Variants in CACNA1C observed in about 807,000 individuals in gnomAD.
CACNA1C encodes the protein voltage-dependent L-type calcium channel subunit alpha-1C.
In CACNA1C, 30 loss-of-function variants were observed where a neutral mutation model predicts 229.0. That is an observed-to-expected ratio of 0.13 (90% CI 0.10 to 0.18). The LOEUF is 0.18. Ranked by LOEUF, CACNA1C falls within the 10% of genes least tolerant of loss-of-function variation. The probability of loss-of-function intolerance (pLI) is 1.00; values close to 1 mark genes in which losing one functional copy is unlikely to be tolerated. For synonymous variants in CACNA1C, 1,114 were observed against 1,132.5 expected (o/e 0.98, Z 0.33); for missense variants, 1,658 against 2,845.0 (o/e 0.58, Z 9.49).
intron 7 of CACNA1C, among the ~76,000 whole-genome samples, chr12:2,496,320 G>A (rs139822370): frequency 7.7e-4 from 118 of 152,294 alleles, no homozygotes; most frequent in Non-Finnish European, 1.5e-3. Context: ...TCACTCAGAA[G>A]AATGAATTGT....
intron 1 of CACNA1C, among the ~76,000 whole-genome samples, chr12:2,000,445 G>A (rs1253120700): frequency 6.6e-6 from 1 of 151,166 alleles, no homozygotes; most frequent in East Asian, 1.9e-4. Flanking sequence ...CTTCCTTGAT[G>A]TAACAGAAAT....
chr12:2,070,537 G>GT (rs966512340), intron 1 of CACNA1C, among the ~76,000 whole-genome samples: 1 of 152,166 alleles, frequency 6.6e-6, no homozygotes, highest in African/African-American at 2.4e-5. Flanking sequence ...TAGAATGATA[G>GT]TTTAGTCAGG....
intron 9 of CACNA1C, 51 bp from the exon 10 acceptor site, chr12:2,549,892 C>G: frequency 7.4e-7 from 1 of 1,353,784 alleles, no homozygotes; most frequent in Non-Finnish European, 1.0e-6. Flanking sequence ...CTTCTGTTCC[C>G]TTGTCTCCCC....
chr12:2,603,877 A>G (rs2074008313), intron 22 of CACNA1C: 3 of 152,196 alleles, frequency 2.0e-5, no homozygotes, highest in Admixed American at 6.5e-5. Flanking sequence ...GAAACTGACC[A>G]TTTTTCTGCT....
intron 9 of CACNA1C, among the ~76,000 whole-genome samples, chr12:2,535,968 C>T (rs1409524095): frequency 1.3e-5 from 2 of 152,242 alleles, no homozygotes; most frequent in Admixed American, 6.5e-5. Flanking sequence ...GTTAAAATGA[C>T]TCACTTCACA....
intron 3 of CACNA1C, among the ~76,000 whole-genome samples, chr12:2,364,753 C>T (rs532416962): frequency 6.6e-5 from 10 of 152,184 alleles, no homozygotes; most frequent in Admixed American, 6.5e-4. Context: ...CATTTCGGGG[C>T]TCCTCGTCCT....
chr12:2,215,043 C>T lies in CACNA1C; in HGVS notation c.477+94613C>T, dbSNP rs181652761. ...TCATGGGTGTGAAGTCGGGAGGAGC[C>T]GGAGGCAGTGAGGACCTGCATTGCA... On this transcript the variant is annotated intron_variant, in intron 3 of 46. Transcript: ENST00000399655. The surrounding 1 kb of genome is among the most constrained non-coding windows in gnomAD (Gnocchi z 5.0). Among the ~76,000 whole-genome samples the T allele has an allele frequency of 1.2e-3, 187 of 152,152 alleles. No individual in the cohort carries two copies. Among genetic ancestry groups the T allele is most frequent in the African/African-American group, 4.4e-3 (181 of 41,498 alleles).
intron 3 of CACNA1C, among the ~76,000 whole-genome samples, chr12:2,358,632 G>A (rs1008409385): frequency 1.2e-4 from 18 of 152,164 alleles, no homozygotes; most frequent in South Asian, 2.1e-4. Context: ...GCTAAATGAC[G>A]AGTTTCTAAG....
At position 2,531,282 on chromosome 12, in the gene CACNA1C, A is replaced by C. The variant is rs557440640; in HGVS notation, c.1390+18298A>C. ...TCTCTTTTGTCAGAGAGGCAAGCAC[A>C]TGGTAACCCCCCAGAATCATGAGCC... On this transcript the variant is annotated intron_variant, in intron 9 of 46. Coordinates refer to ENST00000399655, the MANE Select transcript of CACNA1C (RefSeq NM_000719.7). Among the ~76,000 whole-genome samples, 5 of 152,282 alleles carry C rather than the reference A, an allele frequency of 3.3e-5. No individual in the cohort carries two copies. In the South Asian group the frequency reaches 1.0e-3, roughly 32 times the overall value.
chr12:2,331,499 A>AGTCCCAT (rs1555449370), intron 3 of CACNA1C, among the ~76,000 whole-genome samples: 1 of 152,246 alleles, frequency 6.6e-6, no homozygotes, highest in Non-Finnish European at 1.5e-5. Flanking sequence ...AGGACACAGA[A>AGTCCCAT]GTCCCATCCA....
chr12:2,368,670 T>G (rs958288158), intron 3 of CACNA1C, among the ~76,000 whole-genome samples: 20 of 152,224 alleles, frequency 1.3e-4, no homozygotes, highest in African/African-American at 4.3e-4. Flanking sequence ...AGATTGAATA[T>G]CTGAAGATGC....
At chr12:2,399,300 A>G (rs1182336996) in intron 3 of CACNA1C, among the ~76,000 whole-genome samples, 3 of 152,190 alleles carry the variant, frequency 2.0e-5, no homozygotes, top group Non-Finnish European at 4.4e-5. Context: ...AGGTCAGTGG[A>G]GGATCAGGGC....
At chr12:2,398,114 AAGG>A (rs1595201160) in intron 3 of CACNA1C, among the ~76,000 whole-genome samples, 1 of 152,244 alleles carries the variant, frequency 6.6e-6, no homozygotes, top group African/African-American at 2.4e-5. Context: ...AAAAGGTAAG[AAGG>A]AGGACTTCTC....
chr12:2,657,909 C>CA (rs1256826013), intron 34 of CACNA1C, among the ~76,000 whole-genome samples: 2 of 151,910 alleles, frequency 1.3e-5, no homozygotes, highest in South Asian at 4.2e-4. Context: ...TATAATCCAT[C>CA]AAAAATATAT....
chr12:2,388,414 A>G (rs575379228), intron 3 of CACNA1C, among the ~76,000 whole-genome samples: 3 of 152,356 alleles, frequency 2.0e-5, no homozygotes, highest in Non-Finnish European at 2.9e-5. Context: ...TCAATCTTAC[A>G]TCTCAATAAT....
intron 3 of CACNA1C, among the ~76,000 whole-genome samples, chr12:2,170,681 G>A (rs1446521071): frequency 6.6e-6 from 1 of 152,252 alleles, no homozygotes; most frequent in East Asian, 1.9e-4. Flanking sequence ...GCCTGGGCTG[G>A]TAGGCCATGG....
intron 29 of CACNA1C, among the ~76,000 whole-genome samples, chr12:2,626,791 T>A (rs1309751010): frequency 6.6e-6 from 1 of 152,152 alleles, no homozygotes; most frequent in African/African-American, 2.4e-5. Context: ...TCATCTGCTC[T>A]CAGTGGGGAA....
chr12:2,313,321 A>T (rs1420264113), intron 3 of CACNA1C, among the ~76,000 whole-genome samples: 1 of 152,206 alleles, frequency 6.6e-6, no homozygotes, highest in African/African-American at 2.4e-5. Flanking sequence ...GGTCAAGGTC[A>T]TCCCTAGCCT....
intron 3 of CACNA1C, among the ~76,000 whole-genome samples, chr12:2,151,283 C>G (rs1228856213): frequency 6.7e-6 from 1 of 149,454 alleles, no homozygotes; most frequent in African/African-American, 2.5e-5. Context: ...TATTTTTTGC[C>G]CAGGTCTGAA....
Sources: allele counts gnomAD v4.1 joint callset (sites outside exome capture counted in the v4.1 genomes callset), GRCh38; gene constraint gnomAD v4.1.1; non-coding constraint Gnocchi (gnomAD v3.1); transcripts MANE v1.5; gene names NCBI Gene and HGNC (gene_info 2026-07-23, HGNC 2026-07-21).